Variants in HK1 observed in about 807,000 individuals in gnomAD.
HK1 encodes the protein hexokinase-1.
Under a neutral mutation model 91.6 loss-of-function variants are expected in HK1, and 28 were observed. The observed-to-expected ratio is 0.31, with a 90% confidence interval of 0.23 to 0.42. The LOEUF (loss-of-function observed/expected upper bound fraction) is 0.42, where lower values mean the gene tolerates loss of function less well. HK1 is among the 10% of genes least tolerant of loss of function. HK1 has a pLI of 1.00. For synonymous variants in HK1, 430 were observed against 468.1 expected (o/e 0.92, Z 1.05); for missense variants, 770 against 1,219.8 (o/e 0.63, Z 5.49).
intron 5 of HK1, among the ~76,000 whole-genome samples, chr10:69,303,298 CT>C (rs150113849): frequency 3.3e-5 from 5 of 151,870 alleles, no homozygotes; most frequent in African/African-American, 4.8e-5. Flanking sequence ...AGAGTTATCT[CT>C]TTTTTTTAAT....
At chr10:69,347,855 G>A (rs753754191) in intron 2 of HK1, among the ~76,000 whole-genome samples, 2 of 152,156 alleles carry the variant, frequency 1.3e-5, no homozygotes, top group East Asian at 1.9e-4. Context: ...GAGGGTCTGC[G>A]TGGTCTTTAT....
chr10:69,354,275 A>G (rs1224999656), intron 2 of HK1, among the ~76,000 whole-genome samples: 6 of 152,234 alleles, frequency 3.9e-5, no homozygotes, highest in Admixed American at 3.9e-4. Context: ...GGGGTGCTGT[A>G]TTAGTCCGTT....
At chr10:69,351,522 A>AAAAAAAAC (rs1848875018) in intron 2 of HK1, among the ~76,000 whole-genome samples, 1 of 147,852 alleles carries the variant, frequency 6.8e-6, no homozygotes, top group Non-Finnish European at 1.5e-5. Context: ...AAACAAAAAC[A>AAAAAAAAC]AAAACAAAAA....
rs1018912580 is a variant in HK1 at position 69,389,453 on chromosome 10, G to A, written c.2035+157G>A. The A allele has an allele frequency of 6.1e-5, 36 of 588,066 alleles. No individual in the cohort carries two copies. In the African/African-American group the frequency reaches 6.3e-4, roughly 10 times the overall value. 36.4% of individuals were successfully genotyped at this position (588,066 alleles called of 1,614,324 possible). A position where few individuals can be genotyped will look rare whatever the true frequency, so the allele number is the denominator to read the frequency against. On this transcript the variant is annotated intron_variant, in intron 14 of 17. Transcript: ENST00000359426. Reference sequence around the variant, plus strand: ...CTCCAGAGTTCAGGGCTGGACGAAGGCAGCAGAGTCTCTGGCGGGGGGAGG... The same window carrying A: ...CTCCAGAGTTCAGGGCTGGACGAAGACAGCAGAGTCTCTGGCGGGGGGAGG...
intron 2 of HK1, among the ~76,000 whole-genome samples, chr10:69,358,484 G>GA (rs1849245377): frequency 6.6e-6 from 1 of 152,182 alleles, no homozygotes; most frequent in African/African-American, 2.4e-5. Context: ...CATCCTCTGG[G>GA]TGGAAACAAC....
intron 15 of HK1, among the ~76,000 whole-genome samples, chr10:69,392,541 C>T (rs1275128893): frequency 6.6e-6 from 1 of 152,196 alleles, no homozygotes; most frequent in Non-Finnish European, 1.5e-5. Context: ...CTAGGGGCTG[C>T]CTGTGACTGT....
intron 1 of HK1, among the ~76,000 whole-genome samples, chr10:69,281,129 T>G (rs924964210): frequency 6.6e-6 from 1 of 152,190 alleles, no homozygotes; most frequent in Non-Finnish European, 1.5e-5. Flanking sequence ...CACATGATTG[T>G]AGGCATCTAA....
At chr10:69,376,243 C>A (rs975052090) in intron 7 of HK1, among the ~76,000 whole-genome samples, 6 of 152,140 alleles carry the variant, frequency 3.9e-5, no homozygotes, top group Admixed American at 6.6e-5. Flanking sequence ...GGTGAAAGTT[C>A]TTTGAAAAGT....
Position 69,326,056 on chromosome 10 carries a change from G to A in HK1, c.63+7046G>A, listed in dbSNP as rs1847352209. ...TCACCGTGTTGGCCAGGCTGGTCTT[G>A]AATTCCTGACCTCGTGATTCACCCG... On this transcript the variant is annotated intron_variant, in intron 1 of 17. Coordinates refer to ENST00000359426, the MANE Select transcript of HK1 (RefSeq NM_000188.3). Among the ~76,000 whole-genome samples, 5 of 150,982 alleles carry A rather than the reference G, an allele frequency of 3.3e-5. No homozygotes were observed. The South Asian group carries it at 1.1e-3, about 32-fold the overall frequency.
rs1841135732 is a variant in HK1, at chr10:69,386,356, G to A, written c.1873G>A (p.Ala625Thr). 3 of 1,613,988 alleles carry A rather than the reference G, an allele frequency of 1.9e-6. No homozygotes were observed. Among genetic ancestry groups the A allele is most frequent in the African/African-American group, 2.7e-5 (2 of 74,928 alleles). ...ILITWTKGFK[A>T]TDCVGHDVVT... is the part of the protein sequence containing the mutation. ...GATCACGTGGACAAAGGGTTTTAAG[G>A]CAACAGACTGCGTGGGCCACGATGT... Residue 625 changes from alanine to threonine, a missense_variant, in exon 13 of 18, where the codon GCA becomes ACA. By Grantham distance (58) the Ala-to-Thr change is moderately conservative. Around this residue, in one of 7 missense-constraint regions of HK1, gnomAD observed 152 missense variants for 211.1 expected, o/e 0.72. Transcript: ENST00000359426.
intron 1 of HK1, among the ~76,000 whole-genome samples, chr10:69,272,848 T>A (rs930208106): frequency 6.6e-6 from 1 of 151,960 alleles, no homozygotes; most frequent in Non-Finnish European, 1.5e-5. Context: ...TATCTTTCAT[T>A]GTTTTTTTGA....
chr10:69,392,177 G>T lies in HK1; in HGVS notation c.2088G>T (p.Val696=). 1 of 1,614,230 alleles carries T rather than the reference G, an allele frequency of 6.2e-7. No homozygotes were observed. Among genetic ancestry groups the T allele is most frequent in the South Asian group, 1.1e-5 (1 of 91,090 alleles). The change falls in exon 15 of 18, where the codon GTG becomes GTT. Residue 696 remains valine, a synonymous_variant. Coordinates refer to ENST00000359426, the MANE Select transcript of HK1 (RefSeq NM_000188.3). The part of the protein sequence containing the change: ...YMEEMKNVEM[V]EGDQGQMCIN... ...AGGAGATGAAGAACGTGGAGATGGT[G>T]GAGGGGGACCAGGGGCAGATGTGCA...
intron 1 of HK1, 58 bp downstream of exon 1, chr10:69,319,068 G>T: frequency 1.3e-6 from 2 of 1,546,046 alleles, no homozygotes; most frequent in Non-Finnish European, 1.8e-6. Flanking sequence ...TCCGGCATCC[G>T]CTCGCCGCCT....
chr10:69,338,685 G>A (rs1198837212), intron 1 of HK1: 5 of 559,922 alleles, frequency 8.9e-6, no homozygotes, highest in Non-Finnish European at 1.1e-5. Context: ...ATGTGAGTGT[G>A]TGTGTGTGTG....
chr10:69,276,792 A>G (rs1384262339), intron 1 of HK1, among the ~76,000 whole-genome samples: 1 of 149,524 alleles, frequency 6.7e-6, no homozygotes, highest in Non-Finnish European at 1.5e-5. Context: ...TATAACTATT[A>G]TCTTTATATA....
At chr10:69,360,233 T>C (rs1849348535) in intron 3 of HK1, among the ~76,000 whole-genome samples, 188 bp downstream of exon 3, 1 of 152,202 alleles carries the variant, frequency 6.6e-6, no homozygotes, top group Non-Finnish European at 1.5e-5. Flanking sequence ...GGGCCCTGCT[T>C]AAACAGAGGC....
intron 1 of HK1, among the ~76,000 whole-genome samples, chr10:69,319,542 C>T (rs1291710127): frequency 1.3e-5 from 2 of 152,274 alleles, no homozygotes; most frequent in African/African-American, 4.8e-5. Context: ...ACGAGGTGAC[C>T]CGCCCGGCTT....
intron 1 of HK1, among the ~76,000 whole-genome samples, chr10:69,323,414 C>T (rs1216308595): frequency 6.6e-6 from 1 of 150,432 alleles, no homozygotes; most frequent in Non-Finnish European, 1.5e-5. Context: ...GTCACAGCTA[C>T]TCAGGAGGCT....
intron 2 of HK1, among the ~76,000 whole-genome samples, chr10:69,284,407 C>T (rs781676013): frequency 3.3e-5 from 5 of 152,044 alleles, no homozygotes; most frequent in African/African-American, 4.8e-5. Flanking sequence ...TTAATGACCT[C>T]CAAGAGAGTT....
Sources: gnomAD v4.1 joint callset for allele counts (sites outside exome capture counted in the v4.1 genomes callset) on GRCh38, gnomAD v4.1.1 for gene constraint, gnomAD v4.1.1 regional missense constraint, MANE v1.5 for transcripts, NCBI Gene and HGNC (gene_info 2026-07-23, HGNC 2026-07-21) for gene names.